Variants in INPP4B observed in about 807,000 individuals in gnomAD.
INPP4B encodes the protein inositol polyphosphate-4-phosphatase type II B.
A neutral mutation model predicts 122.5 loss-of-function variants in INPP4B; 55 were observed. The observed-to-expected ratio is 0.45, with a 90% CI of 0.36 to 0.56. The LOEUF is 0.56. INPP4B is among the 20% of genes least tolerant of loss of function. The pLI, the probability that INPP4B is intolerant of heterozygous loss-of-function variation, is 0.00. For missense variants in INPP4B, 1,000 were observed against 1,097.7 expected, an observed-to-expected ratio of 0.91 and a Z score of 1.26; for synonymous variants, 403 against 388.7, an observed-to-expected ratio of 1.04 and a Z score of -0.43.
intron 1 of INPP4B, among the ~76,000 whole-genome samples, chr4:142,814,644 G>A (rs545268553): frequency 1.3e-4 from 20 of 152,142 alleles, no homozygotes; most frequent in African/African-American, 4.6e-4. Flanking sequence ...AGGAGCAACT[G>A]AAAGACTTCC....
chr4:142,723,461 T>A (rs1462374386), intron 2 of INPP4B, among the ~76,000 whole-genome samples: 1 of 152,122 alleles, frequency 6.6e-6, no homozygotes, highest in Admixed American at 6.5e-5. Context: ...TAATTGAAGT[T>A]CCCTCCATCT....
intron 25 of INPP4B, among the ~76,000 whole-genome samples, chr4:142,048,947 A>C (rs970488227): frequency 6.6e-6 from 1 of 151,952 alleles, no homozygotes; most frequent in Non-Finnish European, 1.5e-5. Flanking sequence ...AGGGGGAAGA[A>C]ATGGCAGAAT....
At chr4:142,794,231 A>G (rs1427885953) in intron 1 of INPP4B, among the ~76,000 whole-genome samples, 1 of 152,072 alleles carries the variant, frequency 6.6e-6, no homozygotes, top group Non-Finnish European at 1.5e-5. Context: ...ATCAAGTCTT[A>G]TAATTTTTAA....
intron 2 of INPP4B, among the ~76,000 whole-genome samples, chr4:142,692,916 T>TAGAG: frequency 6.7e-6 from 1 of 149,538 alleles, no homozygotes; most frequent in Admixed American, 6.7e-5. Context: ...CTAGTCTCTA[T>TAGAG]AGATAGATAG....
chr4:142,107,292 C>A (rs1487672539), intron 23 of INPP4B, among the ~76,000 whole-genome samples: 1 of 152,108 alleles, frequency 6.6e-6, no homozygotes, highest in Non-Finnish European at 1.5e-5. Flanking sequence ...AATCAGTGAG[C>A]AAATTGTTCA....
intron 15 of INPP4B, among the ~76,000 whole-genome samples, chr4:142,188,221 C>T (rs1579220856): frequency 6.6e-6 from 1 of 151,824 alleles, no homozygotes; most frequent in East Asian, 1.9e-4. Flanking sequence ...GGCACATTGG[C>T]TCATGCCTGT....
chr4:142,756,631 A>G (rs1770561278), intron 1 of INPP4B, among the ~76,000 whole-genome samples: 1 of 151,998 alleles, frequency 6.6e-6, no homozygotes, highest in Non-Finnish European at 1.5e-5. Flanking sequence ...TATTAGGCAT[A>G]CTAATAGATA....
intron 2 of INPP4B, among the ~76,000 whole-genome samples, chr4:142,564,818 G>A (rs1731284999): frequency 6.6e-6 from 1 of 152,076 alleles, no homozygotes; most frequent in African/African-American, 2.4e-5. Context: ...AAAAAATGGA[G>A]TAACTCAGGC....
Position 142,023,339 on chromosome 4 carries a change from A to C in INPP4B, c.*5443T>G, listed in dbSNP as rs1366794161. 1.3e-5 allele frequency: 2 copies of C among 152,180 alleles called. No individual in the cohort carries two copies. The highest frequency in any genetic ancestry group is 4.8e-5 in the African/African-American group (2 of 41,452). 9.4% of individuals were successfully genotyped at this position (152,180 alleles called of 1,614,324 possible). On this transcript the variant is annotated 3_prime_UTR_variant, in exon 26 of 26. Coordinates refer to ENST00000262992, the MANE Select transcript of INPP4B (RefSeq NM_001101669.3). ...TTGATTCATCTAAAATACATATATAACATAAAAAGAAAACAAATGCCAACC... is the reference window on the plus strand; with the variant it reads ...TTGATTCATCTAAAATACATATATACCATAAAAAGAAAACAAATGCCAACC...
At chr4:142,205,789 T>C (rs1180801703) in intron 14 of INPP4B, among the ~76,000 whole-genome samples, 1 of 152,142 alleles carries the variant, frequency 6.6e-6, no homozygotes, top group Non-Finnish European at 1.5e-5. Context: ...CCTATTAGAA[T>C]AACATTATGT....
At chr4:142,845,495 G>C (rs1784072181) in intron 1 of INPP4B, among the ~76,000 whole-genome samples, 1 of 152,128 alleles carries the variant, frequency 6.6e-6, no homozygotes, top group Admixed American at 6.5e-5. Flanking sequence ...CTTGCGCCAA[G>C]GCCCTAACCT....
At chr4:142,564,439 C>CAAAA (rs199803105) in intron 2 of INPP4B, among the ~76,000 whole-genome samples, 1,644 of 97,514 alleles carry the variant, frequency 0.017, 30 homozygotes, top group African/African-American at 0.034. Flanking sequence ...TAAGGAATGG[C>CAAAA]AAAAAAAAAA....
chr4:142,832,760 C>T (rs972669949), intron 1 of INPP4B, among the ~76,000 whole-genome samples: 1 of 140,936 alleles, frequency 7.1e-6, no homozygotes, highest in African/African-American at 3.2e-5. Flanking sequence ...GTCTCTACTC[C>T]CCCCCCGCAT....
At position 142,105,997 on chromosome 4, in the gene INPP4B, A is replaced by G. The variant is rs187423887; in HGVS notation, c.2374+2096T>C. ...CTTGCAATATGTCTACAGGAGGAAT[A>G]AACCCATATGTCATCATAATTGTAT... On this transcript the variant is annotated intron_variant, in intron 23 of 25. Transcript: ENST00000262992. 3.9e-4 allele frequency among the ~76,000 whole-genome samples: 60 copies of G among 152,314 alleles called. No homozygotes were observed. The East Asian group carries it at 7.2e-3, about 18-fold the overall frequency.
At chr4:142,379,562 T>C (rs377508593) in intron 7 of INPP4B, among the ~76,000 whole-genome samples, 12 of 152,310 alleles carry the variant, frequency 7.9e-5, no homozygotes, top group African/African-American at 2.9e-4. Flanking sequence ...TATCATTCCA[T>C]TCACATGACT....
At chr4:142,629,431 G>T (rs746852397) in intron 2 of INPP4B, among the ~76,000 whole-genome samples, 2 of 152,078 alleles carry the variant, frequency 1.3e-5, no homozygotes, top group African/African-American at 4.8e-5. Context: ...TAAATGCAGA[G>T]ATTCTGATTT....
chr4:142,446,036 G>C (rs1410570274), intron 3 of INPP4B, among the ~76,000 whole-genome samples: 2 of 151,922 alleles, frequency 1.3e-5, no homozygotes, highest in Admixed American at 6.6e-5. Flanking sequence ...AAAATTTGTT[G>C]TATTAAATGT....
intron 15 of INPP4B, among the ~76,000 whole-genome samples, chr4:142,190,884 T>C (rs1488030869): frequency 1.3e-5 from 2 of 152,180 alleles, no homozygotes; most frequent in Non-Finnish European, 1.5e-5. Flanking sequence ...AACAGAAATA[T>C]GTTTCATAAA....
chr4:142,082,308 T>G (rs1306774690), intron 24 of INPP4B, 123 bp from the exon 25 acceptor site: 6 of 756,766 alleles, frequency 7.9e-6, no homozygotes, highest in African/African-American at 1.7e-5. Flanking sequence ...TAGTTTATGA[T>G]AGTCAATTTG....
Sources: gnomAD v4.1 joint callset for allele counts (sites outside exome capture counted in the v4.1 genomes callset) on GRCh38, gnomAD v4.1.1 for gene constraint, MANE v1.5 for transcripts, NCBI Gene and HGNC (gene_info 2026-07-23, HGNC 2026-07-21) for gene names.